Variants in DZANK1 observed in about 807,000 individuals in gnomAD.
The protein encoded by DZANK1 is double zinc ribbon and ankyrin repeat domains 1.
A neutral mutation model predicts 94.5 loss-of-function variants in DZANK1; 91 were observed. That is an observed-to-expected ratio of 0.96 (90% CI 0.81 to 1.15). The LOEUF (loss-of-function observed/expected upper bound fraction) is 1.15, where lower values mean the gene tolerates loss of function less well. Ranked by LOEUF, DZANK1 falls within the 50% of genes most tolerant of loss-of-function variation. The pLI is 0.00. For synonymous variants in DZANK1, 312 were observed against 325.3 expected, an observed-to-expected ratio of 0.96 and a Z score of 0.44; for missense variants, 903 against 916.4, an observed-to-expected ratio of 0.99 and a Z score of 0.19.
exon 19 of DZANK1, chr20:18,389,731 C>G (rs948219025): frequency 1.2e-6 from 2 of 1,613,836 alleles, no homozygotes; most frequent in African/African-American, 2.7e-5. Flanking sequence ...GTCTGCTCCT[C>G]TCTGCACGAG....
chr20:18,437,639 C>A (rs1042252921), intron 8 of DZANK1, among the ~76,000 whole-genome samples: 1 of 151,910 alleles, frequency 6.6e-6, no homozygotes, highest in Non-Finnish European at 1.5e-5. Flanking sequence ...AGTGAAATTT[C>A]TATATTTCAG....
At chr20:18,408,109 A>G (rs1229775931) in intron 13 of DZANK1, among the ~76,000 whole-genome samples, 2 of 152,202 alleles carry the variant, frequency 1.3e-5, no homozygotes, top group Non-Finnish European at 2.9e-5. Context: ...TGAGATCAGG[A>G]GCTCGAGACC....
intron 20 of DZANK1, among the ~76,000 whole-genome samples, 162 bp downstream of exon 20, chr20:18,384,854 C>T (rs914605500): frequency 3.9e-5 from 6 of 152,158 alleles, no homozygotes; most frequent in African/African-American, 7.2e-5. Context: ...ATTTTCATTG[C>T]GCTTTGAAAA....
chr20:18,414,918 T>C (rs570711577), intron 11 of DZANK1, among the ~76,000 whole-genome samples: 31 of 152,204 alleles, frequency 2.0e-4, no homozygotes, highest in Non-Finnish European at 4.4e-4. Flanking sequence ...TCTCAAGAAC[T>C]GGATCTGAGC....
chr20:18,438,218 C>CAAAAAAA (rs761846698), intron 8 of DZANK1, among the ~76,000 whole-genome samples: 1 of 57,748 alleles, frequency 1.7e-5, no homozygotes, highest in African/African-American at 7.2e-5. Context: ...GACTCTGTCT[C>CAAAAAAA]AAAAAAAAAA....
chr20:18,423,020 C>T (rs771543525), intron 10 of DZANK1, among the ~76,000 whole-genome samples: 10 of 151,980 alleles, frequency 6.6e-5, no homozygotes, highest in Admixed American at 1.3e-4. Flanking sequence ...TAGTCATGCA[C>T]GACATAATGA....
At chr20:18,426,838 ATC>A (rs2058065968) in intron 10 of DZANK1, among the ~76,000 whole-genome samples, 1 of 152,228 alleles carries the variant, frequency 6.6e-6, no homozygotes. Flanking sequence ...ATTAAACAAA[ATC>A]ATAAGAAATT....
At chr20:18,397,676 T>C (rs1337837536) in intron 14 of DZANK1, among the ~76,000 whole-genome samples, 1 of 152,170 alleles carries the variant, frequency 6.6e-6, no homozygotes, top group East Asian at 1.9e-4. Flanking sequence ...GCTCCACATG[T>C]CTGAGGCCTC....
chr20:18,404,911 CTT>C (rs1004247550), intron 13 of DZANK1, among the ~76,000 whole-genome samples: 59 of 137,140 alleles, frequency 4.3e-4, no homozygotes, highest in African/African-American at 1.5e-3. Context: ...GACCTTGACT[CTT>C]AGAAAAAAAA....
chr20:18,454,089 C>G (rs2059201469), intron 4 of DZANK1: 1 of 533,506 alleles, frequency 1.9e-6, no homozygotes, highest in Non-Finnish European at 3.6e-6. Context: ...CACATGCAGG[C>G]AGGATGTTAC....
chr20:18,460,393 T>C (rs1601191722), intron 2 of DZANK1, 87 bp from the exon 3 acceptor site: 2 of 981,222 alleles, frequency 2.0e-6, no homozygotes, highest in South Asian at 3.0e-5. Flanking sequence ...AAGATCTAAG[T>C]GTGTGATTTA....
chr20:18,414,650 G>A (rs1394486424), intron 11 of DZANK1, 138 bp from the exon 12 acceptor site: 3 of 1,045,638 alleles, frequency 2.9e-6, no homozygotes, highest in East Asian at 2.6e-5. Flanking sequence ...CCTACAGATG[G>A]ACAAGTACAG....
In DZANK1 at chr20:18,441,790, G is replaced by C. The variant is rs2058723742; in HGVS notation, c.747+1557C>G. Among the ~76,000 whole-genome samples, 1 of 152,242 alleles carries C rather than the reference G, an allele frequency of 6.6e-6. No individual in the cohort carries two copies. The highest frequency in any genetic ancestry group is 6.5e-5 in the Admixed American group (1 of 15,290). ...AACATGTTGGGAAGTCAGATACAGA[G>C]ATGTGGCTGGAACTTGCTGGAAAGT... On this transcript the variant is annotated intron_variant, in intron 8 of 20. Transcript: ENST00000262547. The surrounding 1 kb of genome is among the most constrained non-coding windows in gnomAD (Gnocchi z 4.1).
chr20:18,428,907 G>A (rs1366040845), intron 9 of DZANK1, among the ~76,000 whole-genome samples: 1 of 152,132 alleles, frequency 6.6e-6, no homozygotes, highest in Non-Finnish European at 1.5e-5. Flanking sequence ...CTGAGCCAAC[G>A]CACCACAGTT....
intron 13 of DZANK1, among the ~76,000 whole-genome samples, chr20:18,403,648 C>T (rs1167432366): frequency 9.2e-5 from 14 of 152,114 alleles, no homozygotes; most frequent in Non-Finnish European, 1.9e-4. Flanking sequence ...AAGAAGAGCC[C>T]TCCTGAGGTA....
intron 10 of DZANK1, among the ~76,000 whole-genome samples, chr20:18,418,642 T>C (rs769073390): frequency 6.6e-6 from 1 of 152,204 alleles, no homozygotes; most frequent in African/African-American, 2.4e-5. Context: ...TATGCTTGCT[T>C]TTGGGGAATG....
chr20:18,434,580 T>C, intron 8 of DZANK1, among the ~76,000 whole-genome samples: 1 of 143,776 alleles, frequency 7.0e-6, no homozygotes, highest in Non-Finnish European at 1.5e-5. Context: ...AATCACACAG[T>C]CAGATACTGC....
At chr20:18,446,832 T>A (rs572867820) in intron 7 of DZANK1, among the ~76,000 whole-genome samples, 2 of 152,328 alleles carry the variant, frequency 1.3e-5, no homozygotes, top group Admixed American at 6.5e-5. Context: ...CTTCCTAACT[T>A]ATTCTATGAA....
chr20:18,443,991 C>T (rs1601076783), intron 7 of DZANK1, among the ~76,000 whole-genome samples: 1 of 152,174 alleles, frequency 6.6e-6, no homozygotes, highest in Non-Finnish European at 1.5e-5. Flanking sequence ...CTGGACCCAT[C>T]GTTTAGCTCC....
Sources: gnomAD v4.1 joint callset for allele counts (sites outside exome capture counted in the v4.1 genomes callset) on GRCh38, gnomAD v4.1.1 for gene constraint, Gnocchi (gnomAD v3.1) non-coding constraint, MANE v1.5 for transcripts, NCBI Gene and HGNC (gene_info 2026-07-23, HGNC 2026-07-21) for gene names.